The following GABRB2 variants were observed in gnomAD, a reference collection of about 807,000 sequenced individuals.
GABRB2 encodes gamma-aminobutyric acid type A receptor subunit beta2.
In GABRB2, 16 loss-of-function variants were observed where a neutral mutation model predicts 54.7. That is an observed-to-expected ratio of 0.29 (90% CI 0.20 to 0.44). The LOEUF is 0.44. GABRB2 is among the 20% of genes least tolerant of loss of function. GABRB2 has a pLI of 1.00. For synonymous variants in GABRB2, 244 were observed against 233.8 expected (o/e 1.04, Z -0.40); for missense variants, 355 against 644.0 (o/e 0.55, Z 4.86).
At chr5:161,542,750 G>A (rs1386236428) in intron 3 of GABRB2, among the ~76,000 whole-genome samples, 1 of 152,170 alleles carries the variant, frequency 6.6e-6, no homozygotes, top group East Asian at 1.9e-4. Context: ...AGGATAATGA[G>A]GGATAAATGT....
chr5:161,350,820 C>T (rs895396139), intron 5 of GABRB2, among the ~76,000 whole-genome samples: 7 of 152,106 alleles, frequency 4.6e-5, no homozygotes, highest in Admixed American at 2.6e-4. Context: ...TTCCTGCCCT[C>T]GAACATCAGA....
rs548458463 is a variant in GABRB2 at position 161,443,634 on chromosome 5, T to A, written c.458+15990A>T. On this transcript the variant is annotated intron_variant, in intron 4 of 9. Transcript: ENST00000393959. ...TTCAGATTAAAACCTGTTTTTCTCC[T>A]GCTTAGAATTTAGGCAAAGTTCATT... Among the ~76,000 whole-genome samples, 8 of 152,360 alleles carry A rather than the reference T, an allele frequency of 5.3e-5. No homozygotes were observed. The South Asian group carries it at 1.7e-3, about 32-fold the overall frequency.
chr5:161,377,364 A>G (rs976384336), intron 5 of GABRB2, among the ~76,000 whole-genome samples: 6 of 152,234 alleles, frequency 3.9e-5, no homozygotes, highest in Admixed American at 6.6e-5. Context: ...GGAATTAGTC[A>G]TAAGTCTTTG....
At chr5:161,460,166 G>T (rs1216769212) in intron 3 of GABRB2, among the ~76,000 whole-genome samples, 1 of 152,032 alleles carries the variant, frequency 6.6e-6, no homozygotes. Flanking sequence ...GGCTGGTCTC[G>T]AACTATTGAC....
At chr5:161,446,376 T>C (rs570594334) in intron 4 of GABRB2, among the ~76,000 whole-genome samples, 2 of 152,286 alleles carry the variant, frequency 1.3e-5, no homozygotes, top group Admixed American at 1.3e-4. Context: ...TTCTGGCTTC[T>C]TTCTGGAACA....
intron 9 of GABRB2, among the ~76,000 whole-genome samples, chr5:161,324,147 G>T (rs1758297387): frequency 6.6e-6 from 1 of 152,152 alleles, no homozygotes; most frequent in East Asian, 1.9e-4. Flanking sequence ...TATACTAAAA[G>T]ATATGAAAAG....
chr5:161,357,704 T>G (rs1754677804), intron 5 of GABRB2, among the ~76,000 whole-genome samples: 1 of 151,948 alleles, frequency 6.6e-6, no homozygotes, highest in African/African-American at 2.4e-5. Flanking sequence ...AAAGAAATGA[T>G]GAGAAATGAT....
At chr5:161,521,155 G>T (rs143744707) in intron 3 of GABRB2, among the ~76,000 whole-genome samples, 13 of 152,100 alleles carry the variant, frequency 8.5e-5, no homozygotes, top group African/African-American at 2.6e-4. Flanking sequence ...ATGGTGCTTG[G>T]CAAGTCCTAG....
At chr5:161,294,452 G>T in intron 9 of GABRB2, 24 bp from the exon 10 acceptor site, 1 of 1,595,340 alleles carries the variant, frequency 6.3e-7, no homozygotes. Flanking sequence ...GAATCAAAAA[G>T]ACAATCAGAA....
chr5:161,357,799 T>C (rs532550957), intron 5 of GABRB2, among the ~76,000 whole-genome samples: 1 of 152,202 alleles, frequency 6.6e-6, no homozygotes, highest in Admixed American at 6.6e-5. Context: ...GAGTGGACAA[T>C]TATGACCTCA....
intron 9 of GABRB2, among the ~76,000 whole-genome samples, chr5:161,323,422 A>T (rs1234967535): frequency 6.6e-6 from 1 of 152,102 alleles, no homozygotes; most frequent in Non-Finnish European, 1.5e-5. Flanking sequence ...CATAGCTGTC[A>T]TGCTGTTTCT....
rs1757159014 is a variant in GABRB2 at position 161,288,926 on chromosome 5, T to C, written c.*5155A>G. On this transcript the variant is annotated 3_prime_UTR_variant, in exon 10 of 10. Coordinates refer to ENST00000393959, the MANE Select transcript of GABRB2 (RefSeq NM_001371727.1). ...GGATTAATTATGTTTAAAATGACGA[T>C]GGTTGAACTCAAATTATTGAACCAA... 6.6e-6 allele frequency: 1 copy of C among 152,192 alleles called. No individual in the cohort carries two copies. 9.4% of individuals were successfully genotyped at this position (152,192 alleles called of 1,614,324 possible).
chr5:161,519,429 C>G (rs919545018), intron 3 of GABRB2, among the ~76,000 whole-genome samples: 1 of 152,198 alleles, frequency 6.6e-6, no homozygotes, highest in Non-Finnish European at 1.5e-5. Context: ...TTATGAAGCT[C>G]TCCTCTAGGT....
Position 161,503,007 on chromosome 5 carries a change from C to T in GABRB2, c.237+42220G>A, listed in dbSNP as rs190674158. 3.2e-3 allele frequency among the ~76,000 whole-genome samples: 481 copies of T among 152,174 alleles called. 2 individuals carry two copies. Among genetic ancestry groups the T allele is most frequent in the Non-Finnish European group, 5.3e-3 (357 of 68,000 alleles). ...TACAGTATTTGCAGACACTGGACTT[C>T]CAACAAGACAGAAGATGAAAAACAT... On this transcript the variant is annotated intron_variant, in intron 3 of 9. Coordinates refer to ENST00000393959, the MANE Select transcript of GABRB2 (RefSeq NM_001371727.1).
At chr5:161,394,986 G>A (rs7723397) in intron 5 of GABRB2, among the ~76,000 whole-genome samples, 3,667 of 152,188 alleles carry the variant, frequency 0.024, 143 homozygotes, top group African/African-American at 0.082. Context: ...CTAACATCAT[G>A]TAAAATGACA....
At chr5:161,545,411 A>T (rs1760949223) in intron 2 of GABRB2, 117 bp from the exon 3 acceptor site, 1 of 497,254 alleles carries the variant, frequency 2.0e-6, no homozygotes, top group Non-Finnish European at 3.2e-6. Context: ...TCAATCTCAA[A>T]TTTTTCAATT....
At chr5:161,476,177 C>A (rs1261770494) in intron 3 of GABRB2, among the ~76,000 whole-genome samples, 2 of 151,734 alleles carry the variant, frequency 1.3e-5, no homozygotes, top group Admixed American at 6.6e-5. Context: ...ATTAAGAAAA[C>A]AACTTCATTT....
At chr5:161,370,631 G>T (rs1198079609) in intron 5 of GABRB2, among the ~76,000 whole-genome samples, 2 of 152,128 alleles carry the variant, frequency 1.3e-5, no homozygotes, top group South Asian at 2.1e-4. Flanking sequence ...GGCAAGACTG[G>T]GTACTCAGTG....
At chr5:161,337,923 C>T (rs954410651) in intron 5 of GABRB2, among the ~76,000 whole-genome samples, 3 of 152,098 alleles carry the variant, frequency 2.0e-5, no homozygotes, top group African/African-American at 7.2e-5. Context: ...GGACATTGCT[C>T]TGCCATTTCC....
Sources: gnomAD v4.1 joint callset for allele counts (sites outside exome capture counted in the v4.1 genomes callset) on GRCh38, gnomAD v4.1.1 for gene constraint, MANE v1.5 for transcripts, NCBI Gene and HGNC (gene_info 2026-07-23, HGNC 2026-07-21) for gene names.